The following GTF2F2 variants were observed in gnomAD, a reference collection of about 807,000 sequenced individuals.
The protein encoded by GTF2F2 is ATP-dependent helicase GTF2F2.
GTF2F2 carries 23 observed loss-of-function variants against 42.2 expected under a neutral mutation model. That is an observed-to-expected ratio of 0.55 (90% CI 0.39 to 0.77). The LOEUF is 0.77. Among genes scored for constraint, GTF2F2 ranks in the 30% least tolerant of loss-of-function variants. The pLI is 0.00. For missense variants in GTF2F2, 261 were observed against 287.2 expected (o/e 0.91, Z 0.66); for synonymous variants, 105 against 100.8 (o/e 1.04, Z -0.25).
chr13:45,173,973 A>C (rs1489405238), intron 4 of GTF2F2, among the ~76,000 whole-genome samples: 1 of 152,094 alleles, frequency 6.6e-6, no homozygotes, highest in Non-Finnish European at 1.5e-5. Flanking sequence ...GTACTATATA[A>C]ATGCTTTTTT....
At chr13:45,263,138 G>T (rs1876414027) in intron 6 of GTF2F2, among the ~76,000 whole-genome samples, 1 of 152,088 alleles carries the variant, frequency 6.6e-6, no homozygotes, top group African/African-American at 2.4e-5. Context: ...ATAAATGTAG[G>T]ATTAAATTTA....
intron 4 of GTF2F2, among the ~76,000 whole-genome samples, chr13:45,196,631 T>G (rs547655476): frequency 6.6e-6 from 1 of 152,350 alleles, no homozygotes; most frequent in African/African-American, 2.4e-5. Context: ...CTTTATAGGA[T>G]ACCAGAATTA....
intron 4 of GTF2F2, among the ~76,000 whole-genome samples, chr13:45,152,424 T>C (rs1236340450): frequency 6.6e-6 from 1 of 152,196 alleles, no homozygotes. Flanking sequence ...CAAGCTGCCT[T>C]CTAAGATGTT....
intron 5 of GTF2F2, among the ~76,000 whole-genome samples, chr13:45,209,034 T>C (rs1188381748): frequency 1.3e-5 from 2 of 152,246 alleles, no homozygotes. Context: ...TAATTTTCTT[T>C]AAAGGGTTCT....
At chr13:45,178,323 A>G (rs1871982058) in intron 4 of GTF2F2, among the ~76,000 whole-genome samples, 1 of 138,832 alleles carries the variant, frequency 7.2e-6, no homozygotes. Context: ...AAACTTGTCC[A>G]GTGAGGTTTA....
At chr13:45,258,705 A>G (rs1243382065) in intron 6 of GTF2F2, among the ~76,000 whole-genome samples, 1 of 152,260 alleles carries the variant, frequency 6.6e-6, no homozygotes, top group Non-Finnish European at 1.5e-5. Flanking sequence ...TAGTTTTGAC[A>G]AAACTTACTC....
intron 4 of GTF2F2, among the ~76,000 whole-genome samples, chr13:45,190,148 A>T (rs1872565809): frequency 6.6e-6 from 1 of 152,182 alleles, no homozygotes; most frequent in South Asian, 2.1e-4. Flanking sequence ...ACTTAAACAA[A>T]TCTACAAGAA....
rs188018610 is a variant in GTF2F2, at chr13:45,129,282, C to T, written c.67-7451C>T. On this transcript the variant is annotated intron_variant, in intron 1 of 7. Transcript: ENST00000340473. Reference sequence around the variant, plus strand: ...GGAGTGCAGTGGCACGATCATGGTTCGCTGCAGCCTCGACCTCCCTGGGCT... The same window carrying T: ...GGAGTGCAGTGGCACGATCATGGTTTGCTGCAGCCTCGACCTCCCTGGGCT... 2.6e-4 allele frequency among the ~76,000 whole-genome samples: 40 copies of T among 152,316 alleles called. No individual in the cohort carries two copies. In the East Asian group the frequency reaches 5.2e-3, roughly 20 times the overall value.
chr13:45,127,179 A>G (rs990169147), intron 1 of GTF2F2, among the ~76,000 whole-genome samples: 1 of 152,136 alleles, frequency 6.6e-6, no homozygotes, highest in Non-Finnish European at 1.5e-5. Context: ...TTTTATTGCA[A>G]GGGTGTAGTA....
At chr13:45,175,141 C>T (rs1871811447) in intron 4 of GTF2F2, among the ~76,000 whole-genome samples, 2 of 152,150 alleles carry the variant, frequency 1.3e-5, no homozygotes, top group South Asian at 4.1e-4. Flanking sequence ...TATTCTATCT[C>T]CTTCTGTGAA....
At chr13:45,194,202 C>T in intron 4 of GTF2F2, 1 of 1,614,138 alleles carries the variant, frequency 6.2e-7, no homozygotes, top group Non-Finnish European at 8.5e-7. Context: ...CTTCCTCTGC[C>T]AGTCCCTTGA....
chr13:45,199,809 C>T (rs745314226), intron 4 of GTF2F2, among the ~76,000 whole-genome samples: 39 of 152,156 alleles, frequency 2.6e-4, no homozygotes, highest in Non-Finnish European at 4.9e-4. Flanking sequence ...GTCTCTGTTA[C>T]CGTATACTAG....
At chr13:45,258,209 T>C (rs984546904) in intron 6 of GTF2F2, among the ~76,000 whole-genome samples, 4 of 152,076 alleles carry the variant, frequency 2.6e-5, no homozygotes, top group Middle Eastern at 6.8e-3. Flanking sequence ...TTAGTGTCTA[T>C]GGTGGAATCA....
intron 1 of GTF2F2, among the ~76,000 whole-genome samples, chr13:45,135,836 T>A (rs1182563818): frequency 6.6e-6 from 1 of 152,252 alleles, no homozygotes; most frequent in African/African-American, 2.4e-5. Flanking sequence ...TGTTATGCTT[T>A]ATACTTGGTG....
chr13:45,277,852 C>T (rs1344630286), intron 7 of GTF2F2, among the ~76,000 whole-genome samples: 1 of 152,156 alleles, frequency 6.6e-6, no homozygotes, highest in Non-Finnish European at 1.5e-5. Context: ...TTAATCAGTG[C>T]CATCATCAGT....
At chr13:45,184,844 G>A (rs1458292751) in intron 4 of GTF2F2, among the ~76,000 whole-genome samples, 2 of 151,976 alleles carry the variant, frequency 1.3e-5, no homozygotes, top group East Asian at 1.9e-4. Flanking sequence ...ACAGGGTCTC[G>A]CTCTGTTGCC....
At chr13:45,169,276 C>T (rs930649470) in intron 4 of GTF2F2, among the ~76,000 whole-genome samples, 1 of 152,066 alleles carries the variant, frequency 6.6e-6, no homozygotes, top group South Asian at 2.1e-4. Context: ...TGACTGGTGT[C>T]CTTATAAGAA....
chr13:45,223,317 T>C (rs1874197356), intron 5 of GTF2F2, among the ~76,000 whole-genome samples: 1 of 149,014 alleles, frequency 6.7e-6, no homozygotes, highest in Non-Finnish European at 1.5e-5. Flanking sequence ...ATGATGCAGT[T>C]GTATAGGAGA....
At chr13:45,250,204 A>G (rs1225350618) in intron 5 of GTF2F2, among the ~76,000 whole-genome samples, 2 of 151,876 alleles carry the variant, frequency 1.3e-5, no homozygotes, top group Non-Finnish European at 2.9e-5. Context: ...GCAGGTATGC[A>G]CTACCATGCC....
Sources: allele counts gnomAD v4.1 joint callset (sites outside exome capture counted in the v4.1 genomes callset), GRCh38; gene constraint gnomAD v4.1.1; transcripts MANE v1.5; gene names NCBI Gene and HGNC (gene_info 2026-07-23, HGNC 2026-07-21).